The following CTNNA1 variants were observed in gnomAD, a reference collection of about 807,000 sequenced individuals.
CTNNA1 encodes catenin alpha-1.
A neutral mutation model predicts 98.4 loss-of-function variants in CTNNA1; 37 were observed. That is an observed-to-expected ratio of 0.38 (90% CI 0.29 to 0.49). CTNNA1 has a LOEUF of 0.49. Ranked by LOEUF, CTNNA1 falls within the 20% of genes least tolerant of loss-of-function variation. CTNNA1 has a pLI of 0.95. For missense variants in CTNNA1, 761 were observed against 1,147.2 expected (o/e 0.66, Z 4.86); for synonymous variants, 404 against 413.2 (o/e 0.98, Z 0.27).
At chr5:138,820,804 C>G (rs555427834) in intron 5 of CTNNA1, among the ~76,000 whole-genome samples, 1 of 152,232 alleles carries the variant, frequency 6.6e-6, no homozygotes, top group South Asian at 2.1e-4. Flanking sequence ...GTTTTAAACC[C>G]TTTGTAAACA....
At chr5:138,894,923 A>G (rs1756429363) in intron 9 of CTNNA1, among the ~76,000 whole-genome samples, 1 of 152,190 alleles carries the variant, frequency 6.6e-6, no homozygotes, top group Non-Finnish European at 1.5e-5. Context: ...ACTTCTGTAG[A>G]GAAACTTTCC....
At chr5:138,818,132 TTC>T (rs1223363013) in intron 5 of CTNNA1, among the ~76,000 whole-genome samples, 1 of 151,616 alleles carries the variant, frequency 6.6e-6, no homozygotes, top group African/African-American at 2.4e-5. Flanking sequence ...TTTTTCCTTT[TTC>T]TTTTTTTTTT....
At chr5:138,925,592 C>G in intron 13 of CTNNA1, 185 bp downstream of exon 13, 6 of 929,938 alleles carry the variant, frequency 6.5e-6, no homozygotes, top group Non-Finnish European at 9.1e-6. Flanking sequence ...CAAGTTAGAG[C>G]CCAAACTTGG....
rs945895005 is a variant in CTNNA1, at chr5:138,931,673, C to T, written c.2298+738C>T. On this transcript the variant is annotated intron_variant, in intron 16 of 17. Coordinates refer to ENST00000302763, the MANE Select transcript of CTNNA1 (RefSeq NM_001903.5). Reference sequence around the variant, plus strand: ...CCATAGCCACTTGGACTACTGTGGCCGCTCCCGATTTCCTGTTCTTTCCTC... The same window carrying T: ...CCATAGCCACTTGGACTACTGTGGCTGCTCCCGATTTCCTGTTCTTTCCTC... The T allele has an allele frequency of 4.0e-5, 39 of 985,294 alleles. No homozygotes were observed. The South Asian group carries it at 8.0e-4, about 20-fold the overall frequency. The allele number at this position is 985,294 out of a possible 1,614,324, so 61.0% of individuals were successfully genotyped here. A position where few individuals can be genotyped will look rare whatever the true frequency, so the allele number is the denominator to read the frequency against.
chr5:138,759,168 G>T (rs1187724571), intron 1 of CTNNA1, among the ~76,000 whole-genome samples: 1 of 151,912 alleles, frequency 6.6e-6, no homozygotes, highest in Non-Finnish European at 1.5e-5. Context: ...CTGTATCTTT[G>T]TATGACCTGG....
chr5:138,887,736 G>C (rs1754391072), intron 9 of CTNNA1, 94 bp downstream of exon 9: 1 of 1,033,510 alleles, frequency 9.7e-7, no homozygotes, highest in Non-Finnish European at 1.4e-6. Flanking sequence ...ATTTGTAAGG[G>C]CTCGCTTAAC....
intron 9 of CTNNA1, among the ~76,000 whole-genome samples, chr5:138,892,642 C>T (rs1755720290): frequency 6.6e-6 from 1 of 151,778 alleles, no homozygotes; most frequent in South Asian, 2.1e-4. Flanking sequence ...GTGCCCGGCC[C>T]AGTAATAATT....
chr5:138,885,853 C>G (rs990588079), intron 7 of CTNNA1, among the ~76,000 whole-genome samples: 6 of 152,170 alleles, frequency 3.9e-5, no homozygotes, highest in Non-Finnish European at 7.4e-5. Flanking sequence ...CCTGTTCTTG[C>G]TGCAGTTCAA....
intron 1 of CTNNA1, among the ~76,000 whole-genome samples, chr5:138,778,819 T>G (rs985456701): frequency 6.6e-6 from 1 of 152,222 alleles, no homozygotes; most frequent in African/African-American, 2.4e-5. Context: ...CTATCTAATC[T>G]CCACTAAAGC....
chr5:138,793,540 A>G (rs1183999928), intron 3 of CTNNA1, among the ~76,000 whole-genome samples: 2 of 152,268 alleles, frequency 1.3e-5, no homozygotes, highest in African/African-American at 2.4e-5. Flanking sequence ...TTTATGAGTT[A>G]CAGTGGGTAA....
intron 7 of CTNNA1, among the ~76,000 whole-genome samples, chr5:138,867,385 G>A (rs915599518): frequency 3.3e-5 from 5 of 152,170 alleles, no homozygotes; most frequent in African/African-American, 9.7e-5. Context: ...GGGCAAACAC[G>A]GCAGACTACT....
chr5:138,782,149 A>G (rs1279547868), intron 2 of CTNNA1, 120 bp downstream of exon 2: 5 of 943,110 alleles, frequency 5.3e-6, no homozygotes, highest in Non-Finnish European at 8.0e-6. Flanking sequence ...AGTTTAGGTG[A>G]CAGTTCTTAG....
At position 138,924,581 on chromosome 5, in the gene CTNNA1, C is replaced by T. The variant is rs1203968888; in HGVS notation, c.1618C>T (p.Arg540Cys). Residue 540 changes from arginine to cysteine, a missense_variant, in exon 12 of 18, where the codon CGC becomes TGC. Arg to Cys is a radical substitution (Grantham distance 180). This residue lies in a region of CTNNA1 where 287 missense variants were observed against 436.0 expected (regional missense o/e 0.66). Coordinates refer to ENST00000302763, the MANE Select transcript of CTNNA1 (RefSeq NM_001903.5). The stretch of plus-strand genomic sequence containing the variant: ...AGAGAAGGATGTGGATGGCCTGGAC[C>T]GCACAGCTGGTGCAATTCGAGGCCG... ...LQEKDVDGLDRTAGAIRGRAA... is the reference protein window; with the variant it reads ...LQEKDVDGLDCTAGAIRGRAA... 11 of 1,613,994 alleles carry T rather than the reference C, an allele frequency of 6.8e-6. No homozygotes were observed. Among genetic ancestry groups the T allele is most frequent in the Admixed American group, 5.0e-5 (3 of 59,986 alleles).
chr5:138,771,442 C>T (rs1339406941), intron 1 of CTNNA1, among the ~76,000 whole-genome samples: 1 of 152,156 alleles, frequency 6.6e-6, no homozygotes, highest in African/African-American at 2.4e-5. Context: ...AGTGTAGTGG[C>T]ATGATCATGG....
chr5:138,927,262 A>G (rs1764270664), intron 13 of CTNNA1, among the ~76,000 whole-genome samples: 2 of 152,160 alleles, frequency 1.3e-5, no homozygotes, highest in South Asian at 4.1e-4. Flanking sequence ...CACGTCACTC[A>G]TTCTTTATGC....
At chr5:138,823,806 A>T (rs1362415336) in intron 5 of CTNNA1, among the ~76,000 whole-genome samples, 1 of 150,772 alleles carries the variant, frequency 6.6e-6, no homozygotes, top group Non-Finnish European at 1.5e-5. Flanking sequence ...AAATACAAAA[A>T]ATTAGCCGGG....
intron 13 of CTNNA1, among the ~76,000 whole-genome samples, chr5:138,926,381 C>T (rs1764039641): frequency 6.6e-6 from 1 of 152,252 alleles, no homozygotes; most frequent in African/African-American, 2.4e-5. Flanking sequence ...CTCTCCTGAG[C>T]ACAGTGCAGA....
chr5:138,777,311 A>G (rs1580946828), intron 1 of CTNNA1, among the ~76,000 whole-genome samples: 1 of 151,790 alleles, frequency 6.6e-6, no homozygotes, highest in East Asian at 2.0e-4. Context: ...GCGGCCGGGA[A>G]GAGGCGCTCC....
chr5:138,758,113 T>G (rs1278216847), intron 1 of CTNNA1, among the ~76,000 whole-genome samples: 1 of 152,140 alleles, frequency 6.6e-6, no homozygotes, highest in Non-Finnish European at 1.5e-5. Context: ...TTCAAGTGAT[T>G]CTTCTGCCTC....
Sources: gnomAD v4.1 joint callset for allele counts (sites outside exome capture counted in the v4.1 genomes callset) on GRCh38, gnomAD v4.1.1 for gene constraint, gnomAD v4.1.1 regional missense constraint, MANE v1.5 for transcripts, NCBI Gene and HGNC (gene_info 2026-07-23, HGNC 2026-07-21) for gene names.